The following TSPAN15 variants were observed in gnomAD, a reference collection of about 807,000 sequenced individuals.
TSPAN15 encodes the protein tetraspanin-15.
TSPAN15 carries 20 observed loss-of-function variants against 34.5 expected under a neutral mutation model. The ratio of observed to expected loss-of-function variants is 0.58; its 90% CI spans 0.41 to 0.84. The LOEUF is 0.84. Ranked by LOEUF, TSPAN15 falls within the 40% of genes least tolerant of loss-of-function variation. The pLI is 0.00. For missense variants in TSPAN15, 313 were observed against 386.1 expected (o/e 0.81, Z 1.59); for synonymous variants, 155 against 153.9 (o/e 1.01, Z -0.05).
At position 69,506,231 on chromosome 10, in the gene TSPAN15, G is replaced by C; in HGVS notation, c.726G>C (p.Leu242=). The C allele has an allele frequency of 6.2e-7, 1 of 1,614,234 alleles. No individual in the cohort carries two copies. The highest frequency in any genetic ancestry group is 8.5e-7 in the Non-Finnish European group (1 of 1,180,020). The change falls in exon 7 of 8, where the codon CTG becomes CTC. Residue 242 remains leucine, a synonymous_variant. Transcript: ENST00000373290. This position sits in a 1 kb window ranked among gnomAD's most constrained non-coding sequence, Gnocchi z 4.7. ...TIMAGILLGI[L]LPQFLGVLLT... ...TGGCGGGCATCCTCCTGGGCATCCT[G>C]CTTCCCCAGGTGGGCAGGCCGTGGG... is the stretch of plus-strand genomic sequence containing the variant.
chr10:69,527,528 G>A, the TSPAN15 span, among the ~76,000 whole-genome samples: 1 of 146,660 alleles, frequency 6.8e-6, no homozygotes, highest in South Asian at 2.2e-4. Flanking sequence ...CCAGGAGGCA[G>A]AGATTGCAGT....
At chr10:69,485,116 T>G in intron 2 of TSPAN15, 25 bp from the exon 3 acceptor site, 1 of 1,611,074 alleles carries the variant, frequency 6.2e-7, no homozygotes, top group Non-Finnish European at 8.5e-7. Context: ...CCTCTCCAGG[T>G]GAGTCTCTGA....
At chr10:69,485,777 G>C (rs915123224) in intron 3 of TSPAN15, among the ~76,000 whole-genome samples, 6,040 of 33,862 alleles carry the variant, frequency 0.18, 381 homozygotes, top group African/African-American at 0.43. Flanking sequence ...GGGAGGCTGT[G>C]GGGGGTCATC....
intron 1 of TSPAN15, among the ~76,000 whole-genome samples, chr10:69,466,140 T>C (rs1841379314): frequency 6.6e-6 from 1 of 152,260 alleles, no homozygotes. Context: ...ATCACTGTCC[T>C]TCAGAAATGC....
chr10:69,498,421 G>A (rs374475148), intron 5 of TSPAN15, 25 bp downstream of exon 5: 3 of 1,596,112 alleles, frequency 1.9e-6, no homozygotes, highest in Admixed American at 1.7e-5. Flanking sequence ...TGTGGGGACT[G>A]GGGGGCTGTC....
At chr10:69,544,906 C>T in the TSPAN15 span, among the ~76,000 whole-genome samples, 83 of 152,330 alleles carry the variant, frequency 5.4e-4, no homozygotes, top group African/African-American at 1.9e-3. Context: ...CTTCAAAAGC[C>T]AGCGGCCTGG....
In TSPAN15 at chr10:69,498,330, C is replaced by T. The variant is rs1842130392; in HGVS notation, c.504C>T (p.Tyr168=). 2.5e-6 allele frequency: 4 copies of T among 1,613,834 alleles called. No homozygotes were observed. Among genetic ancestry groups the T allele is most frequent in the Admixed American group, 1.7e-5 (1 of 59,996 alleles). Residue 168 remains tyrosine (Y), a synonymous_variant, in exon 5 of 8, where the codon TAC becomes TAT. Coordinates refer to ENST00000373290, the MANE Select transcript of TSPAN15 (RefSeq NM_012339.5). ...ACCGAGATTGGAGCAAGAATCAGTACCACGACTGCAGTGCCCCTGGACCCC... is the reference window on the plus strand; with the variant it reads ...ACCGAGATTGGAGCAAGAATCAGTATCACGACTGCAGTGCCCCTGGACCCC... ...EDYRDWSKNQ[Y]HDCSAPGPLA...
chr10:69,451,492 G>T lies in TSPAN15; in HGVS notation c.-103G>T. The T allele has an allele frequency of 7.8e-7, 1 of 1,278,460 alleles. No homozygotes were observed. Among genetic ancestry groups the T allele is most frequent in the Non-Finnish European group, 9.9e-7 (1 of 1,011,280 alleles). 79.2% of individuals were successfully genotyped at this position (1,278,460 alleles called of 1,614,324 possible). A position where few individuals can be genotyped will look rare whatever the true frequency, so the allele number is the denominator to read the frequency against. ...CAGTCCCGGAGAGAACGCCGGTGGC[G>T]GGGCTGGTAGCCCGGCAGCCGCAGG... On this transcript the variant is annotated 5_prime_UTR_variant, in exon 1 of 8. Coordinates refer to ENST00000373290, the MANE Select transcript of TSPAN15 (RefSeq NM_012339.5).
intron 6 of TSPAN15, among the ~76,000 whole-genome samples, chr10:69,504,950 A>G (rs770734245): frequency 6.6e-6 from 1 of 152,178 alleles, no homozygotes; most frequent in Non-Finnish European, 1.5e-5. Flanking sequence ...TAAAAGGAAT[A>G]GTGACCTGAC....
chr10:69,481,750 C>A (rs1841739338), intron 1 of TSPAN15, among the ~76,000 whole-genome samples: 1 of 152,206 alleles, frequency 6.6e-6, no homozygotes, highest in African/African-American at 2.4e-5. Context: ...CCCTAGCTGA[C>A]AGCACCATGT....
At chr10:69,465,030 G>A (rs531045572) in intron 1 of TSPAN15, among the ~76,000 whole-genome samples, 147 of 152,326 alleles carry the variant, frequency 9.7e-4, no homozygotes, top group African/African-American at 3.0e-3. Context: ...GGGAGGGACC[G>A]GGTCACAGGG....
the TSPAN15 span, among the ~76,000 whole-genome samples, chr10:69,533,017 C>A: frequency 6.6e-6 from 1 of 152,066 alleles, no homozygotes. Flanking sequence ...ATCAAAAAAT[C>A]AAAAAACAGT....
At chr10:69,533,781 G>A in the TSPAN15 span, among the ~76,000 whole-genome samples, 1 of 152,208 alleles carries the variant, frequency 6.6e-6, no homozygotes, top group Non-Finnish European at 1.5e-5. Context: ...CTTGTGATTG[G>A]CATCAAAAGT....
chr10:69,465,592 C>T (rs1841366260), intron 1 of TSPAN15, among the ~76,000 whole-genome samples: 1 of 152,162 alleles, frequency 6.6e-6, no homozygotes, highest in South Asian at 2.1e-4. Context: ...CTTCAACCTC[C>T]AGCAACCTAA....
At chr10:69,469,996 A>G (rs966207283) in intron 1 of TSPAN15, among the ~76,000 whole-genome samples, 2 of 152,142 alleles carry the variant, frequency 1.3e-5, no homozygotes, top group Non-Finnish European at 1.5e-5. Flanking sequence ...TCATTCCCCA[A>G]ATGTTCTTTG....
At chr10:69,499,294 G>A (rs1364110847) in intron 5 of TSPAN15, among the ~76,000 whole-genome samples, 2 of 152,218 alleles carry the variant, frequency 1.3e-5, no homozygotes, top group Non-Finnish European at 1.5e-5. Flanking sequence ...AGCTGCGGGT[G>A]GGGGCCTCGC....
At chr10:69,490,999 G>T (rs984877396) in intron 3 of TSPAN15, among the ~76,000 whole-genome samples, 1 of 152,250 alleles carries the variant, frequency 6.6e-6, no homozygotes, top group Non-Finnish European at 1.5e-5. Context: ...GGTTTGGCCA[G>T]ACTCCCCCAC....
chr10:69,479,484 C>T (rs905114586), intron 1 of TSPAN15, among the ~76,000 whole-genome samples: 2 of 152,248 alleles, frequency 1.3e-5, no homozygotes, highest in African/African-American at 4.8e-5. Context: ...CAGCAGCACG[C>T]ACTTTCCCTC....
the TSPAN15 span, among the ~76,000 whole-genome samples, chr10:69,514,760 ATCT>A: frequency 6.6e-6 from 1 of 152,168 alleles, no homozygotes; most frequent in East Asian, 1.9e-4. Flanking sequence ...GATTTTAAAG[ATCT>A]TCTCAAAGAG....
Sources: gnomAD v4.1 joint callset for allele counts (sites outside exome capture counted in the v4.1 genomes callset) on GRCh38, gnomAD v4.1.1 for gene constraint, Gnocchi (gnomAD v3.1) non-coding constraint, MANE v1.5 for transcripts, NCBI Gene and HGNC (gene_info 2026-07-23, HGNC 2026-07-21) for gene names.